Variants in FHIP1A observed in about 807,000 individuals in gnomAD.
FHIP1A encodes the protein FHF complex subunit HOOK-interacting protein 1A.
FHIP1A carries 61 observed loss-of-function variants against 88.6 expected under a neutral mutation model. That is an observed-to-expected ratio of 0.69 (90% CI 0.56 to 0.85). The LOEUF (loss-of-function observed/expected upper bound fraction) is 0.85, where lower values mean the gene tolerates loss of function less well. Ranked by LOEUF, FHIP1A falls within the 40% of genes least tolerant of loss-of-function variation. The pLI, the probability that FHIP1A is intolerant of heterozygous loss-of-function variation, is 0.00. For synonymous variants in FHIP1A, 478 were observed against 496.0 expected, an observed-to-expected ratio of 0.96 and a Z score of 0.48; for missense variants, 1,154 against 1,273.5, an observed-to-expected ratio of 0.91 and a Z score of 1.43.
intron 3 of FHIP1A, among the ~76,000 whole-genome samples, chr4:151,554,272 T>C (rs1175503537): frequency 1.3e-5 from 2 of 152,210 alleles, no homozygotes; most frequent in Admixed American, 1.3e-4. Flanking sequence ...TACTGTTATC[T>C]GCTGATGCAA....
intron 4 of FHIP1A, among the ~76,000 whole-genome samples, chr4:151,570,882 G>A (rs905620240): frequency 6.6e-6 from 1 of 152,142 alleles, no homozygotes; most frequent in African/African-American, 2.4e-5. Flanking sequence ...TTTGGACTTG[G>A]CATTAAATGA....
chr4:151,613,120 C>T (rs1322726192), intron 7 of FHIP1A, among the ~76,000 whole-genome samples: 3 of 152,160 alleles, frequency 2.0e-5, no homozygotes, highest in African/African-American at 7.2e-5. Context: ...CTTGGTTTTT[C>T]AACCAGTGCT....
At chr4:151,421,990 A>C (rs1733187332) in intron 1 of FHIP1A, among the ~76,000 whole-genome samples, 1 of 152,034 alleles carries the variant, frequency 6.6e-6, no homozygotes, top group South Asian at 2.1e-4. Context: ...CTACTAGGGG[A>C]TGCAACCATT....
chr4:151,652,989 T>TG (rs1323945308), intron 11 of FHIP1A, among the ~76,000 whole-genome samples: 1 of 152,074 alleles, frequency 6.6e-6, no homozygotes, highest in African/African-American at 2.4e-5. Context: ...GGTAGGAGTG[T>TG]GGGGAGAGCA....
intron 7 of FHIP1A, among the ~76,000 whole-genome samples, chr4:151,617,312 TA>T (rs112934447): frequency 0.092 from 13,423 of 146,380 alleles, 669 homozygotes; most frequent in African/African-American, 0.15. Context: ...AATTCATACT[TA>T]AAAAAAAAAA....
intron 3 of FHIP1A, among the ~76,000 whole-genome samples, chr4:151,562,376 C>G (rs565710140): frequency 1.2e-4 from 19 of 152,266 alleles, no homozygotes; most frequent in African/African-American, 4.6e-4. Flanking sequence ...CTTTGCCTCC[C>G]TTTTATCTCT....
At chr4:151,436,728 T>A (rs777579878) in intron 1 of FHIP1A, among the ~76,000 whole-genome samples, 7 of 152,150 alleles carry the variant, frequency 4.6e-5, no homozygotes, top group Non-Finnish European at 1.0e-4. Flanking sequence ...GTGTAAGAAA[T>A]CTTTGTAGAA....
At chr4:151,591,273 T>C (rs1328928743) in intron 7 of FHIP1A, among the ~76,000 whole-genome samples, 2 of 152,012 alleles carry the variant, frequency 1.3e-5, no homozygotes, top group Non-Finnish European at 2.9e-5. Context: ...ACTGGATGTT[T>C]CTTGAGGGGT....
intron 3 of FHIP1A, among the ~76,000 whole-genome samples, chr4:151,522,557 C>T (rs1181594502): frequency 6.6e-6 from 1 of 152,132 alleles, no homozygotes; most frequent in African/African-American, 2.4e-5. Flanking sequence ...CTGTGAATTC[C>T]CTTCAGTATC....
At chr4:151,429,378 C>T (rs1488219215) in intron 1 of FHIP1A, among the ~76,000 whole-genome samples, 1 of 152,154 alleles carries the variant, frequency 6.6e-6, no homozygotes, top group African/African-American at 2.4e-5. Context: ...AGCGCACACA[C>T]AATACCAATA....
At chr4:151,559,205 T>C (rs1375937673) in intron 3 of FHIP1A, among the ~76,000 whole-genome samples, 6 of 152,230 alleles carry the variant, frequency 3.9e-5, no homozygotes, top group Non-Finnish European at 8.8e-5. Flanking sequence ...TCCTTTCATA[T>C]TGAGACTCAG....
intron 3 of FHIP1A, among the ~76,000 whole-genome samples, chr4:151,509,759 T>TTGTGTGTGTGTG (rs113966280): frequency 2.9e-4 from 43 of 147,132 alleles, no homozygotes; most frequent in African/African-American, 9.3e-4. Flanking sequence ...GTCTCTATGT[T>TTGTGTGTGTGTG]TGTGTGTGTG....
chr4:151,495,300 T>C (rs1047097078), intron 3 of FHIP1A, among the ~76,000 whole-genome samples: 10 of 152,070 alleles, frequency 6.6e-5, no homozygotes, highest in Non-Finnish European at 1.2e-4. Flanking sequence ...GTCAGGAGTT[T>C]GAGACCAGCC....
intron 4 of FHIP1A, among the ~76,000 whole-genome samples, chr4:151,575,838 CT>C (rs1560777435): frequency 1.3e-5 from 2 of 152,142 alleles, no homozygotes; most frequent in Non-Finnish European, 2.9e-5. Context: ...TGCATTATCC[CT>C]TTGCCAGCTT....
rs559805623 is a variant in FHIP1A, at chr4:151,512,465, G to A, written c.-123+29817G>A. On this transcript the variant is annotated intron_variant, in intron 3 of 13. Coordinates refer to ENST00000435205, the MANE Select transcript of FHIP1A (RefSeq NM_001109977.3). ...AAGCTGGACGGAGAATGACTTTGACGAGTTGAGAGAAGAAGGCTTCAGATG... is the reference window on the plus strand; with the variant it reads ...AAGCTGGACGGAGAATGACTTTGACAAGTTGAGAGAAGAAGGCTTCAGATG... Among the ~76,000 whole-genome samples, 395 of 152,354 alleles carry A rather than the reference G, an allele frequency of 2.6e-3. 1 individual carries two copies. Among genetic ancestry groups the A allele is most frequent in the African/African-American group, 8.5e-3 (352 of 41,574 alleles).
intron 3 of FHIP1A, among the ~76,000 whole-genome samples, chr4:151,515,547 A>G (rs1011037788): frequency 2.0e-5 from 3 of 152,234 alleles, no homozygotes; most frequent in African/African-American, 4.8e-5. Flanking sequence ...TTGTATATCT[A>G]GAAAACCCCA....
chr4:151,448,153 A>T (rs1728673669), intron 1 of FHIP1A, among the ~76,000 whole-genome samples: 1 of 151,888 alleles, frequency 6.6e-6, no homozygotes, highest in Non-Finnish European at 1.5e-5. Flanking sequence ...TCCTGGCCTC[A>T]AGTGACCCTC....
chr4:151,656,991 T>C lies in FHIP1A; in HGVS notation c.2869+93T>C. On this transcript the variant is annotated intron_variant, in intron 13 of 13. Coordinates refer to ENST00000435205, the MANE Select transcript of FHIP1A (RefSeq NM_001109977.3). The surrounding 1 kb of genome is among the most constrained non-coding windows in gnomAD (Gnocchi z 4.2). ...AGTTCACAGATGCTGCACTGGCTTC[T>C]GGATCCTAGAAGCATTCAGAGATAT... is the stretch of plus-strand genomic sequence containing the variant. The C allele has an allele frequency of 1.6e-6, 2 of 1,263,744 alleles. No homozygotes were observed. Among genetic ancestry groups the C allele is most frequent in the Non-Finnish European group, 2.2e-6 (2 of 927,136 alleles). The allele number at this position is 1,263,744 out of a possible 1,614,324, so 78.3% of individuals were successfully genotyped here.
chr4:151,484,161 T>C (rs1729996823), intron 3 of FHIP1A, among the ~76,000 whole-genome samples: 1 of 152,100 alleles, frequency 6.6e-6, no homozygotes, highest in Admixed American at 6.6e-5. Flanking sequence ...AATTTCAAGG[T>C]CCTTAGCAGA....
Sources: gnomAD v4.1 joint callset for allele counts (sites outside exome capture counted in the v4.1 genomes callset) on GRCh38, gnomAD v4.1.1 for gene constraint, Gnocchi (gnomAD v3.1) non-coding constraint, MANE v1.5 for transcripts, NCBI Gene and HGNC (gene_info 2026-07-23, HGNC 2026-07-21) for gene names.